PUM3: variants seen among roughly 807,000 people sequenced by gnomAD.
PUM3 encodes pumilio homolog 3.
In PUM3, 91 loss-of-function variants were observed where a neutral mutation model predicts 84.0. The ratio of observed to expected loss-of-function variants is 1.08; its 90% CI spans 0.91 to 1.29. PUM3 has a LOEUF of 1.29. Ranked by LOEUF, PUM3 falls within the 50% of genes most tolerant of loss-of-function variation. The probability of loss-of-function intolerance (pLI) is 0.00; values close to 1 mark genes in which losing one functional copy is unlikely to be tolerated. For synonymous variants in PUM3, 321 were observed against 266.7 expected (o/e 1.20, Z -1.98); for missense variants, 1,067 against 767.5 (o/e 1.39, Z -4.61).
Position 2,839,889 on chromosome 9 carries a change from G to A in PUM3, c.-10-1372C>T, listed in dbSNP as rs575353711. 1.1e-4 allele frequency among the ~76,000 whole-genome samples: 17 copies of A among 152,298 alleles called. 2 individuals carry two copies. The South Asian group carries it at 3.3e-3, about 30-fold the overall frequency. ...TACAAAAGAGTTGAAAAGATACACAGTTCACATATACCCTTTCCCCAGCTT... is the reference window on the plus strand; with the variant it reads ...TACAAAAGAGTTGAAAAGATACACAATTCACATATACCCTTTCCCCAGCTT... On this transcript the variant is annotated intron_variant, in intron 1 of 17. Coordinates refer to ENST00000397885, the MANE Select transcript of PUM3 (RefSeq NM_014878.5).
At chr9:2,824,218 G>C (rs527582951) in intron 11 of PUM3, among the ~76,000 whole-genome samples, 17 of 152,208 alleles carry the variant, frequency 1.1e-4, no homozygotes, top group African/African-American at 3.9e-4. Flanking sequence ...AAAAAAAGTA[G>C]ATATAGTACA....
At chr9:2,838,104 T>C (rs1168171742) in intron 2 of PUM3, among the ~76,000 whole-genome samples, 2 of 152,168 alleles carry the variant, frequency 1.3e-5, no homozygotes, top group Non-Finnish European at 2.9e-5. Context: ...GTATTTGGCT[T>C]ATGAGCAGTA....
intron 4 of PUM3, 132 bp downstream of exon 4, chr9:2,833,899 G>A: frequency 3.8e-6 from 3 of 788,406 alleles, no homozygotes; most frequent in Non-Finnish European, 6.2e-6. Context: ...GTCTCTAATG[G>A]GGTGTCATGA....
intron 17 of PUM3, 105 bp from the exon 18 acceptor site, chr9:2,804,568 G>T: frequency 2.0e-6 from 2 of 1,013,982 alleles, no homozygotes; most frequent in Non-Finnish European, 2.8e-6. Flanking sequence ...CACAAGCCTT[G>T]TAACTATATA....
chr9:2,838,390 T>C (rs764144151), intron 2 of PUM3, 36 bp downstream of exon 2: 1 of 1,433,998 alleles, frequency 7.0e-7, no homozygotes. Context: ...CCCCCAATTA[T>C]AACAGCCAAA....
chr9:2,810,703 A>G (rs1444852267), intron 15 of PUM3, among the ~76,000 whole-genome samples: 1 of 152,230 alleles, frequency 6.6e-6, no homozygotes, highest in Non-Finnish European at 1.5e-5. Flanking sequence ...TGCTCTGAAC[A>G]GTAGCAGCAC....
chr9:2,843,189 C>T (rs1206579318), intron 1 of PUM3, among the ~76,000 whole-genome samples: 1 of 152,152 alleles, frequency 6.6e-6, no homozygotes, highest in Non-Finnish European at 1.5e-5. Context: ...CCCATCATGA[C>T]CTTCAAGGCC....
chr9:2,808,620 A>G (rs781484450), intron 16 of PUM3, among the ~76,000 whole-genome samples: 10 of 152,356 alleles, frequency 6.6e-5, no homozygotes, highest in Non-Finnish European at 1.2e-4. Flanking sequence ...ATTCATTCAA[A>G]GATACCTGAA....
At chr9:2,842,263 T>C (rs1816285547) in intron 1 of PUM3, among the ~76,000 whole-genome samples, 1 of 152,172 alleles carries the variant, frequency 6.6e-6, no homozygotes, top group African/African-American at 2.4e-5. Flanking sequence ...TCTTGCTCAG[T>C]TTTGTTTAGA....
chr9:2,840,668 AT>A (rs1328543203), intron 1 of PUM3, among the ~76,000 whole-genome samples: 1 of 152,216 alleles, frequency 6.6e-6, no homozygotes, highest in African/African-American at 2.4e-5. Flanking sequence ...TGTTGCTCAA[AT>A]AATGCTAGCT....
At position 2,838,521 on chromosome 9, in the gene PUM3, G is replaced by GAAAAGC. The variant is rs1554639295; in HGVS notation, c.-10-5_-10-4insGCTTTT. 28 of 1,607,406 alleles carry GAAAAGC rather than the reference G, an allele frequency of 1.7e-5. No individual in the cohort carries two copies. Among genetic ancestry groups the GAAAAGC allele is most frequent in the Admixed American group, 5.0e-5 (3 of 59,890 alleles). On this transcript the variant is annotated splice_region_variant and splice_polypyrimidine_tract_variant and intron_variant, in intron 1 of 17. Transcript: ENST00000397885. ...TTTAACTTCCATCGTAGCAACTCTG[G>GAAAAGC]AAAACCAAAACCAAAACCAAAAACA...
chr9:2,827,134 T>G lies in PUM3; in HGVS notation c.974A>C (p.His325Pro). The G allele has an allele frequency of 1.2e-6, 2 of 1,608,846 alleles. No individual in the cohort carries two copies. The highest frequency in any genetic ancestry group is 1.3e-5 in the African/African-American group (1 of 74,796). Residue 325 changes from histidine to proline, a missense_variant, in exon 10 of 18, where the codon CAC becomes CCC. Coordinates refer to ENST00000397885, the MANE Select transcript of PUM3 (RefSeq NM_014878.5). ...CAAGAATACTTTATGCACCAATGAG[T>G]GCTTAATCACAGCTTCCCTGAAAAC... ...PMAQKEAVIK[H>P]SLVHKVFLDF...
In PUM3 at chr9:2,843,678, A is replaced by C. The variant is rs1248186516; in HGVS notation, c.-11+367T>G. ...ACTGCAAGCTCCGCCTCCCGGGTTC[A>C]CGCCATTCTCCTGCCTCAGCCTCCC... On this transcript the variant is annotated intron_variant, in intron 1 of 17. Transcript: ENST00000397885. 2.1e-5 allele frequency among the ~76,000 whole-genome samples: 3 copies of C among 143,804 alleles called. No homozygotes were observed. The East Asian group carries it at 6.2e-4, about 30-fold the overall frequency. The allele number at this position is 143,804 out of a possible 152,430, so 94.3% of individuals were successfully genotyped here.
intron 10 of PUM3, among the ~76,000 whole-genome samples, chr9:2,826,193 T>C (rs1815815888): frequency 6.6e-6 from 1 of 152,122 alleles, no homozygotes; most frequent in Non-Finnish European, 1.5e-5. Flanking sequence ...TTCCAAATGA[T>C]TTTTTGCTGT....
chr9:2,811,828 C>T (rs908276725), intron 14 of PUM3, among the ~76,000 whole-genome samples: 2 of 139,912 alleles, frequency 1.4e-5, no homozygotes, highest in Non-Finnish European at 3.0e-5. Flanking sequence ...GGGAGTCTGA[C>T]TTGTGTAATA....
intron 13 of PUM3, among the ~76,000 whole-genome samples, chr9:2,812,930 A>T (rs1037299948): frequency 1.3e-5 from 2 of 152,238 alleles, no homozygotes; most frequent in African/African-American, 4.8e-5. Context: ...AATGAAGAAC[A>T]CTTCTATTAG....
intron 9 of PUM3, chr9:2,828,375 A>G: frequency 4.0e-6 from 1 of 248,828 alleles, no homozygotes; most frequent in Non-Finnish European, 7.7e-6. Flanking sequence ...TATATTTGTG[A>G]AACTGTTTAG....
intron 3 of PUM3, 31 bp from the exon 4 acceptor site, chr9:2,834,197 A>G (rs1816061424): frequency 3.8e-6 from 6 of 1,590,546 alleles, no homozygotes; most frequent in Admixed American, 1.7e-5. Context: ...TTTCAATTAC[A>G]TTTAACATTC....
intron 10 of PUM3, 83 bp downstream of exon 10, chr9:2,826,990 C>G: frequency 9.8e-7 from 1 of 1,022,418 alleles, no homozygotes; most frequent in African/African-American, 1.6e-5. Context: ...TTCCACAAGA[C>G]AACGTACATC....
Sources: allele counts gnomAD v4.1 joint callset (sites outside exome capture counted in the v4.1 genomes callset), GRCh38; gene constraint gnomAD v4.1.1; transcripts MANE v1.5; gene names NCBI Gene and HGNC (gene_info 2026-07-23, HGNC 2026-07-21).